Variants in EIF2S1 observed in about 807,000 individuals in gnomAD.
EIF2S1 encodes eukaryotic translation initiation factor 2 subunit alpha.
EIF2S1 carries 5 observed loss-of-function variants against 33.5 expected under a neutral mutation model. That is an observed-to-expected ratio of 0.15 (90% CI 0.08 to 0.31). The LOEUF is 0.31. EIF2S1 is among the 10% of genes least tolerant of loss of function. The pLI is 1.00. For synonymous variants in EIF2S1, 99 were observed against 127.5 expected (o/e 0.78, Z 1.51); for missense variants, 191 against 384.6 (o/e 0.50, Z 4.21).
At chr14:67,371,462 TAC>T (rs1342901336) in intron 2 of EIF2S1, among the ~76,000 whole-genome samples, 1 of 151,478 alleles carries the variant, frequency 6.6e-6, no homozygotes, top group Non-Finnish European at 1.5e-5. Context: ...ACTTTCGAAA[TAC>T]AGTCATGTGG....
chr14:67,371,525 A>G (rs926068389), intron 2 of EIF2S1, among the ~76,000 whole-genome samples: 3 of 152,224 alleles, frequency 2.0e-5, no homozygotes, highest in African/African-American at 7.2e-5. Context: ...TGCAAATTTC[A>G]TAGAGTGTGC....
chr14:67,381,663 T>C lies in EIF2S1; in HGVS notation c.651T>C (p.Asn217=). ...AVKEALRAGL[N]CSTENMPIKI... is the part of the protein sequence containing the mutation. ...AAGAAGCCCTAAGAGCAGGTTTGAA[T>C]TGTTCTACAGAAAACATGCCCATTA... is the stretch of plus-strand genomic sequence containing the variant. The change falls in exon 6 of 8, where the codon AAT becomes AAC. Residue 217 remains asparagine, a synonymous_variant. Coordinates refer to ENST00000256383, the MANE Select transcript of EIF2S1 (RefSeq NM_004094.5). 1 of 1,613,502 alleles carries C rather than the reference T, an allele frequency of 6.2e-7. No individual in the cohort carries two copies. Among genetic ancestry groups the C allele is most frequent in the Middle Eastern group, 1.7e-4 (1 of 6,058 alleles).
At chr14:67,379,655 T>TTTTTTTTTC (rs2085875848) in intron 4 of EIF2S1, among the ~76,000 whole-genome samples, 2 of 103,568 alleles carry the variant, frequency 1.9e-5, no homozygotes, top group Non-Finnish European at 3.4e-5. Flanking sequence ...TTTCTTTTTC[T>TTTTTTTTTC]TTTTTTTTTT....
chr14:67,372,725 G>A (rs1322970228), intron 2 of EIF2S1, among the ~76,000 whole-genome samples: 5 of 152,000 alleles, frequency 3.3e-5, no homozygotes, highest in Non-Finnish European at 7.4e-5. Context: ...CTACTCAAGA[G>A]GCTGAGGCAG....
At chr14:67,374,373 A>G (rs1184334094) in intron 2 of EIF2S1, 95 bp from the exon 3 acceptor site, 1 of 599,580 alleles carries the variant, frequency 1.7e-6, no homozygotes, top group Non-Finnish European at 2.8e-6. Flanking sequence ...AATTATAAGT[A>G]TGCCAATCAA....
intron 2 of EIF2S1, among the ~76,000 whole-genome samples, chr14:67,370,186 T>C (rs1239033608): frequency 1.3e-5 from 2 of 152,238 alleles, no homozygotes; most frequent in African/African-American, 4.8e-5. Flanking sequence ...GGGCCAGGTG[T>C]TCCTTGCCCT....
intron 2 of EIF2S1, among the ~76,000 whole-genome samples, chr14:67,371,419 C>T (rs1004474102): frequency 1.3e-5 from 2 of 148,600 alleles, no homozygotes; most frequent in African/African-American, 5.0e-5. Context: ...GACTGTCTCC[C>T]ACCAAAAAAA....
chr14:67,372,684 C>A (rs566674695), intron 2 of EIF2S1, among the ~76,000 whole-genome samples: 1 of 151,876 alleles, frequency 6.6e-6, no homozygotes, highest in Non-Finnish European at 1.5e-5. Context: ...AAAAAATTAG[C>A]GGGCATAGTG....
intron 2 of EIF2S1, among the ~76,000 whole-genome samples, chr14:67,372,658 G>A (rs754548825): frequency 9.9e-5 from 15 of 152,052 alleles, no homozygotes; most frequent in African/African-American, 2.4e-4. Flanking sequence ...GTGAAACCCC[G>A]TCTCTACTAA....
intron 2 of EIF2S1, among the ~76,000 whole-genome samples, chr14:67,374,249 A>G (rs2085844611): frequency 6.6e-6 from 1 of 152,174 alleles, no homozygotes; most frequent in Non-Finnish European, 1.5e-5. Flanking sequence ...ATACATTGCA[A>G]ATATTCCAAA....
At chr14:67,366,675 G>T (rs918171958) in intron 2 of EIF2S1, among the ~76,000 whole-genome samples, 1 of 152,200 alleles carries the variant, frequency 6.6e-6, no homozygotes, top group Non-Finnish European at 1.5e-5. Flanking sequence ...CCTGTAGAGA[G>T]GATTCATTTT....
rs117557969 is a variant in EIF2S1 at position 67,368,245 on chromosome 14, C to T, written c.241+3237C>T. 7.0e-3 allele frequency among the ~76,000 whole-genome samples: 1,064 copies of T among 152,208 alleles called. 10 individuals are homozygous for T. Among genetic ancestry groups the T allele is most frequent in the East Asian group, 0.055 (282 of 5,162 alleles). On this transcript the variant is annotated intron_variant, in intron 2 of 7. Transcript: ENST00000256383. ...AGTTGGCTAGTTTGAATGCTTTTGG[C>T]GGGCCTTGGGGCATAAAGACTGCCC...
At position 67,360,382 on chromosome 14, in the gene EIF2S1, G is replaced by C. The variant is rs969606406; in HGVS notation, c.-76G>C. 1.3e-5 allele frequency: 5 copies of C among 396,254 alleles called. No homozygotes were observed. Among genetic ancestry groups the C allele is most frequent in the African/African-American group, 8.2e-5 (4 of 48,586 alleles). 24.5% of individuals were successfully genotyped at this position (396,254 alleles called of 1,614,324 possible). ...TGAGGAGGATCGGCGGCCGGTGAGG[G>C]GGAAGCAAGTCTGGTCTCTGTGATT... On this transcript the variant is annotated 5_prime_UTR_variant, in exon 1 of 8. Transcript: ENST00000256383.
chr14:67,385,292 A>G lies in EIF2S1; in HGVS notation c.*1852A>G, dbSNP rs1028922761. 3.3e-5 allele frequency: 5 copies of G among 152,240 alleles called. No homozygotes were observed. Among genetic ancestry groups the G allele is most frequent in the Admixed American group, 2.6e-4 (4 of 15,284 alleles). 9.4% of individuals were successfully genotyped at this position (152,240 alleles called of 1,614,324 possible). A position where few individuals can be genotyped will look rare whatever the true frequency, so the allele number is the denominator to read the frequency against. ...ACAGGCTTGGCAAAGAAGTAAGTTT[A>G]TCCAAATCTTGAATTTCTGCCAGGC... On this transcript the variant is annotated 3_prime_UTR_variant, in exon 8 of 8. Coordinates refer to ENST00000256383, the MANE Select transcript of EIF2S1 (RefSeq NM_004094.5).
intron 3 of EIF2S1, among the ~76,000 whole-genome samples, chr14:67,375,327 C>G (rs906377454): frequency 2.0e-5 from 3 of 150,594 alleles, no homozygotes; most frequent in African/African-American, 7.3e-5. Context: ...GCAATCTCAA[C>G]TTACTGCAAC....
At chr14:67,370,625 T>C (rs1280682588) in intron 2 of EIF2S1, among the ~76,000 whole-genome samples, 2 of 152,216 alleles carry the variant, frequency 1.3e-5, no homozygotes, top group Admixed American at 1.3e-4. Flanking sequence ...AATTAGTGAA[T>C]TCCTTGCAAA....
At position 67,373,284 on chromosome 14, in the gene EIF2S1, A is replaced by G. The variant is rs374279239; in HGVS notation, c.242-1184A>G. Among the ~76,000 whole-genome samples the G allele has an allele frequency of 5.3e-5, 8 of 152,328 alleles. No individual in the cohort carries two copies. The East Asian group carries it at 5.8e-4, about 11-fold the overall frequency. ...ATGACTGTTCTTTTTTTTAAACACA[A>G]AGAACTTAACACTAAAAGTGGTGAA... On this transcript the variant is annotated intron_variant, in intron 2 of 7. Transcript: ENST00000256383.
intron 4 of EIF2S1, 83 bp from the exon 5 acceptor site, chr14:67,380,576 A>G: frequency 1.6e-6 from 1 of 615,980 alleles, no homozygotes; most frequent in Non-Finnish European, 2.6e-6. Context: ...TAACTATTAT[A>G]TGCATTGTTC....
rs1190168179 is a variant in EIF2S1 at position 67,383,703 on chromosome 14, T to C, written c.*263T>C. The C allele has an allele frequency of 2.5e-6, 1 of 395,248 alleles. No individual in the cohort carries two copies. Among genetic ancestry groups the C allele is most frequent in the Non-Finnish European group, 4.7e-6 (1 of 211,220 alleles). The allele number at this position is 395,248 out of a possible 1,614,324, so 24.5% of individuals were successfully genotyped here. ...CAAATCTTTAAGAATAGTTCTAAAA[T>C]TGGGCTTGTGATTTCCATTTCTGAT... On this transcript the variant is annotated 3_prime_UTR_variant, in exon 8 of 8. Transcript: ENST00000256383.
Sources: allele counts gnomAD v4.1 joint callset (sites outside exome capture counted in the v4.1 genomes callset), GRCh38; gene constraint gnomAD v4.1.1; transcripts MANE v1.5; gene names NCBI Gene and HGNC (gene_info 2026-07-23, HGNC 2026-07-21).